Variants in MAPKAPK3 observed in about 807,000 individuals in gnomAD.
MAPKAPK3 encodes MAPK activated protein kinase 3.
In MAPKAPK3, 35 loss-of-function variants were observed where a neutral mutation model predicts 49.2. The ratio of observed to expected loss-of-function variants is 0.71; its 90% CI spans 0.54 to 0.94. The LOEUF is 0.94. Ranked by LOEUF, MAPKAPK3 falls within the 40% of genes least tolerant of loss-of-function variation. MAPKAPK3 has a pLI of 0.00. For missense variants in MAPKAPK3, 398 were observed against 493.1 expected (o/e 0.81, Z 1.83); for synonymous variants, 178 against 188.7 (o/e 0.94, Z 0.46).
At chr3:50,637,631 CAA>C (rs1243243979) in intron 2 of MAPKAPK3, among the ~76,000 whole-genome samples, 13 of 56,348 alleles carry the variant, frequency 2.3e-4, no homozygotes, top group Admixed American at 2.2e-4. Flanking sequence ...GACTCTGTCT[CAA>C]AAAAAAAAAA....
At chr3:50,646,857 G>A in intron 9 of MAPKAPK3, 32 bp downstream of exon 9, 2 of 1,606,406 alleles carry the variant, frequency 1.2e-6, no homozygotes, top group Non-Finnish European at 1.7e-6. Context: ...GGCAGGCAGG[G>A]TGTCCAACAG....
In MAPKAPK3 at chr3:50,641,808, G is replaced by C. The variant is rs779201768; in HGVS notation, c.424+37G>C. The C allele has an allele frequency of 3.2e-6, 5 of 1,582,108 alleles. No homozygotes were observed. In the Admixed American group the frequency reaches 8.3e-5, roughly 26 times the overall value. On this transcript the variant is annotated intron_variant, in intron 4 of 10. Coordinates refer to ENST00000621469, the MANE Select transcript of MAPKAPK3 (RefSeq NM_001243925.2). ...TAGCTGGACCAGCAGGAGGATTCAG[G>C]GTGAGAGGTATGGACCAGAGCGTTG... is the stretch of plus-strand genomic sequence containing the variant.
Position 50,640,365 on chromosome 3 carries a change from G to A in MAPKAPK3, c.220-1G>A. ...CACTTTCTATGTGCACCCACCTACA[G>A]CTCCTGTATGACAGCCCCAAGGCCC... On this transcript the variant is annotated splice_acceptor_variant, in intron 2 of 10. Transcript: ENST00000621469. LOFTEE classifies it high-confidence loss of function. The A allele has an allele frequency of 6.2e-7, 1 of 1,613,102 alleles. No homozygotes were observed.
At chr3:50,640,634 G>A (rs2033158125) in intron 3 of MAPKAPK3, 129 bp downstream of exon 3, 28 of 1,178,672 alleles carry the variant, frequency 2.4e-5, no homozygotes, top group Non-Finnish European at 3.2e-5. Flanking sequence ...CCCCTGAGGG[G>A]CAATGGAGCA....
intron 10 of MAPKAPK3, among the ~76,000 whole-genome samples, chr3:50,647,510 G>A (rs2033332170): frequency 6.6e-6 from 1 of 152,246 alleles, no homozygotes; most frequent in African/African-American, 2.4e-5. Flanking sequence ...CCCAGCAGAG[G>A]CCACGTTTGA....
intron 2 of MAPKAPK3, among the ~76,000 whole-genome samples, chr3:50,626,781 C>A (rs1030547304): frequency 6.6e-5 from 10 of 152,314 alleles, no homozygotes; most frequent in African/African-American, 2.4e-4. Flanking sequence ...GAGTAACTCA[C>A]CCAGGGTCAC....
At chr3:50,618,986 G>A (rs2032543348) in intron 2 of MAPKAPK3, among the ~76,000 whole-genome samples, 1 of 152,200 alleles carries the variant, frequency 6.6e-6, no homozygotes, top group South Asian at 2.1e-4. Flanking sequence ...ACCGTGCCCG[G>A]CCTTTACACA....
At chr3:50,647,325 TCAGTGA>T in intron 10 of MAPKAPK3, 122 bp downstream of exon 10, 1 of 739,546 alleles carries the variant, frequency 1.4e-6, no homozygotes, top group Non-Finnish European at 2.3e-6. Flanking sequence ...GCACAGGGTG[TCAGTGA>T]CTGTCGCAGT....
chr3:50,618,352 C>A (rs1282935774), intron 2 of MAPKAPK3, among the ~76,000 whole-genome samples: 1 of 152,178 alleles, frequency 6.6e-6, no homozygotes, highest in Non-Finnish European at 1.5e-5. Context: ...TCGCTGGTCC[C>A]GTGTTGAAAG....
chr3:50,647,947 G>T lies in MAPKAPK3; in HGVS notation c.1050G>T (p.Lys350Asn), dbSNP rs1338453711. 8.1e-6 allele frequency: 13 copies of T among 1,614,076 alleles called. No individual in the cohort carries two copies. Among genetic ancestry groups the T allele is most frequent in the Non-Finnish European group, 1.1e-5 (13 of 1,180,014 alleles). ...TGCGGGTAGACTACGACCAGGTGAAGATCAAGGACCTGAAGACCTCTAACA... is the reference window on the plus strand; with the variant it reads ...TGCGGGTAGACTACGACCAGGTGAATATCAAGGACCTGAAGACCTCTAACA... ...ATMRVDYDQV[K>N]IKDLKTSNNR... The change falls in exon 11 of 11, where the codon AAG becomes AAT. Residue 350 changes from lysine (K) to asparagine (N), a missense_variant. Lys to Asn is a moderately conservative substitution (Grantham distance 94). Transcript: ENST00000621469.
chr3:50,647,032 C>A, intron 9 of MAPKAPK3, 91 bp from the exon 10 acceptor site: 2 of 1,257,442 alleles, frequency 1.6e-6, no homozygotes, highest in African/African-American at 1.5e-5. Context: ...GTTTTTCCAT[C>A]TGAGTCTGGG....
At position 50,617,537 on chromosome 3, in the gene MAPKAPK3, G is replaced by T; in HGVS notation, c.-29G>T. The T allele has an allele frequency of 8.7e-7, 1 of 1,155,580 alleles. No homozygotes were observed. The highest frequency in any genetic ancestry group is 1.3e-5 in the South Asian group (1 of 76,764). The allele number at this position is 1,155,580 out of a possible 1,614,324, so 71.6% of individuals were successfully genotyped here. A position where few individuals can be genotyped will look rare whatever the true frequency, so the allele number is the denominator to read the frequency against. ...AGGTGCCACTAGAAGCGCCAGGCTG[G>T]GGCCGCCTCTGAGCGCCCCGCGGGG... is the stretch of plus-strand genomic sequence containing the variant. On this transcript the variant is annotated 5_prime_UTR_variant, in exon 2 of 11. Coordinates refer to ENST00000621469, the MANE Select transcript of MAPKAPK3 (RefSeq NM_001243925.2).
chr3:50,645,935 T>C, intron 7 of MAPKAPK3, 150 bp downstream of exon 7: 2 of 1,007,006 alleles, frequency 2.0e-6, no homozygotes, highest in South Asian at 1.4e-5. Flanking sequence ...CTTTTGGTCA[T>C]GGGACACCAC....
At chr3:50,636,979 G>C (rs1423491329) in intron 2 of MAPKAPK3, among the ~76,000 whole-genome samples, 2 of 152,138 alleles carry the variant, frequency 1.3e-5, no homozygotes, top group South Asian at 4.1e-4. Context: ...TCAGGGCTTT[G>C]GCGTTTGTAG....
intron 2 of MAPKAPK3, among the ~76,000 whole-genome samples, chr3:50,638,168 T>A: frequency 6.8e-6 from 1 of 147,470 alleles, no homozygotes. Flanking sequence ...GAGGAGGGAG[T>A]GTGGGAGCCA....
chr3:50,627,152 C>T (rs1205566548), intron 2 of MAPKAPK3, among the ~76,000 whole-genome samples: 1 of 145,508 alleles, frequency 6.9e-6, no homozygotes, highest in Non-Finnish European at 1.5e-5. Flanking sequence ...CCATTGCACT[C>T]TAGCCTGGGA....
At chr3:50,613,253 A>G (rs1239261719), upstream of MAPKAPK3, among the ~76,000 whole-genome samples, 1 of 152,226 alleles carries the variant, frequency 6.6e-6, no homozygotes, top group Non-Finnish European at 1.5e-5. Flanking sequence ...CAGGGAAGAC[A>G]GGGCTCAGTT....
rs2032497888 is a variant in MAPKAPK3, at chr3:50,617,499, T to C, written c.-52-15T>C. 3.9e-6 allele frequency: 3 copies of C among 776,578 alleles called. No individual in the cohort carries two copies. The highest frequency in any genetic ancestry group is 2.4e-5 in the Admixed American group (1 of 42,368). 48.1% of individuals were successfully genotyped at this position (776,578 alleles called of 1,614,324 possible). A position where few individuals can be genotyped will look rare whatever the true frequency, so the allele number is the denominator to read the frequency against. ...GAAAAGTCTGGGCGGGACTCACTCT[T>C]CCCCTTTCCCCCAGGTGCCACTAGA... is the stretch of plus-strand genomic sequence containing the variant. On this transcript the variant is annotated splice_polypyrimidine_tract_variant and intron_variant, in intron 1 of 10. Coordinates refer to ENST00000621469, the MANE Select transcript of MAPKAPK3 (RefSeq NM_001243925.2).
intron 2 of MAPKAPK3, among the ~76,000 whole-genome samples, chr3:50,631,916 G>C (rs543939761): frequency 6.6e-6 from 1 of 152,220 alleles, no homozygotes; most frequent in African/African-American, 2.4e-5. Context: ...CTGAGGCTGG[G>C]ATGAGACCCT....
Sources: allele counts gnomAD v4.1 joint callset (sites outside exome capture counted in the v4.1 genomes callset), GRCh38; gene constraint gnomAD v4.1.1; transcripts MANE v1.5; gene names NCBI Gene and HGNC (gene_info 2026-07-23, HGNC 2026-07-21).